Variants in HS6ST2 observed in about 807,000 individuals in gnomAD.
HS6ST2 encodes heparan sulfate 6-O-sulfotransferase 2.
In HS6ST2, 17 loss-of-function variants were observed where a neutral mutation model predicts 33.0. The observed-to-expected ratio is 0.52, with a 90% CI of 0.35 to 0.77. The LOEUF (loss-of-function observed/expected upper bound fraction) is 0.77, where lower values mean the gene tolerates loss of function less well. HS6ST2 is among the 30% of genes least tolerant of loss of function. The probability of loss-of-function intolerance (pLI) is 0.01; values close to 1 mark genes in which losing one functional copy is unlikely to be tolerated. For synonymous variants in HS6ST2, 248 were observed against 237.1 expected, an observed-to-expected ratio of 1.05 and a Z score of -0.42; for missense variants, 519 against 551.7, an observed-to-expected ratio of 0.94 and a Z score of 0.59.
At chrX:132,871,633 C>T (rs1169581194) in intron 2 of HS6ST2, among the ~76,000 whole-genome samples, 5 of 111,172 alleles carry the variant, frequency 4.5e-5, no homozygotes, top group African/African-American at 1.3e-4. Context: ...TTTGCAGGGA[C>T]ATGGATGAAG....
chrX:132,787,513 C>T (rs1395719647), intron 2 of HS6ST2, among the ~76,000 whole-genome samples: 1 of 98,014 alleles, frequency 1.0e-5, no homozygotes, highest in African/African-American at 3.9e-5. Flanking sequence ...AGGCTGGTCT[C>T]GAGCTCCTGA....
intron 2 of HS6ST2, among the ~76,000 whole-genome samples, chrX:132,799,832 T>C (rs1310186937): frequency 8.9e-6 from 1 of 111,878 alleles, no homozygotes; most frequent in Middle Eastern, 4.2e-3. Context: ...ATGGAGGTGA[T>C]TCAATGAAGT....
At chrX:132,915,627 T>C (rs1333981495) in intron 2 of HS6ST2, among the ~76,000 whole-genome samples, 1 of 111,295 alleles carries the variant, frequency 9.0e-6, no homozygotes, top group Non-Finnish European at 1.9e-5. Context: ...TCCTCCTTGC[T>C]CCACCTAACA....
intron 2 of HS6ST2, among the ~76,000 whole-genome samples, chrX:132,841,544 C>T (rs1865511789): frequency 9.0e-6 from 1 of 111,681 alleles, no homozygotes; most frequent in Non-Finnish European, 1.9e-5. Flanking sequence ...TTCTTGCCAG[C>T]AATAGGGCTC....
At chrX:132,885,751 C>T (rs971522147) in intron 2 of HS6ST2, among the ~76,000 whole-genome samples, 1 of 111,523 alleles carries the variant, frequency 9.0e-6, no homozygotes, top group African/African-American at 3.3e-5. Context: ...GTCACAGCCT[C>T]TGTACACTAA....
At chrX:132,758,822 G>T (rs2064780475) in intron 2 of HS6ST2, among the ~76,000 whole-genome samples, 1 of 111,757 alleles carries the variant, frequency 8.9e-6, no homozygotes, top group South Asian at 3.8e-4. Flanking sequence ...TCTCACTTGA[G>T]CATCAAGCCA....
chrX:132,815,479 C>A (rs143798427), intron 2 of HS6ST2, among the ~76,000 whole-genome samples: 1 of 111,777 alleles, frequency 8.9e-6, no homozygotes, highest in South Asian at 3.8e-4. Context: ...ATCAAATCCA[C>A]GCAGTCTGGC....
chrX:132,863,543 C>T (rs1246592516), intron 2 of HS6ST2, among the ~76,000 whole-genome samples: 1 of 105,717 alleles, frequency 9.5e-6, no homozygotes, highest in Non-Finnish European at 1.9e-5. Context: ...AGGCTGGTCT[C>T]AAACTCCTTG....
intron 2 of HS6ST2, among the ~76,000 whole-genome samples, chrX:132,881,185 C>T (rs1038793740): frequency 5.5e-4 from 61 of 110,915 alleles, no homozygotes; most frequent in African/African-American, 2.0e-3. Context: ...AGTTCTAGAT[C>T]CCTGAGGACT....
intron 2 of HS6ST2, among the ~76,000 whole-genome samples, chrX:132,712,459 A>C (rs1017979200): frequency 6.2e-5 from 7 of 112,137 alleles, no homozygotes; most frequent in Non-Finnish European, 1.3e-4. Context: ...CTGTTGCTCA[A>C]ACTGGTGGAG....
intron 2 of HS6ST2, among the ~76,000 whole-genome samples, chrX:132,888,236 T>C (rs749188572): frequency 3.2e-4 from 35 of 111,082 alleles, no homozygotes; most frequent in African/African-American, 1.1e-3. Context: ...AGATTAATAA[T>C]GGACTCTTAG....
intron 4 of HS6ST2, chrX:132,668,452 A>T (rs1046402638): frequency 9.0e-6 from 1 of 110,923 alleles, no homozygotes; most frequent in Non-Finnish European, 1.9e-5. Flanking sequence ...AGTTTGCCAC[A>T]CTTTGCTGAA....
At chrX:132,812,315 G>A (rs1379986521) in intron 2 of HS6ST2, among the ~76,000 whole-genome samples, 2 of 106,881 alleles carry the variant, frequency 1.9e-5, no homozygotes, top group African/African-American at 6.8e-5. Context: ...TGAGGCAGGA[G>A]AATTGCTTGA....
chrX:132,958,578 G>T lies in HS6ST2; in HGVS notation c.25C>A (p.Arg9=). Reference sequence around the variant, plus strand: ...GGTTGCCGCGGCGGCTCGAACTCCCGGACTGCACACGCAGGCAGTGCCATT... The same window carrying T: ...GGTTGCCGCGGCGGCTCGAACTCCCTGACTGCACACGCAGGCAGTGCCATT... MALPACAV[R]EFEPPRQPER... The change falls in exon 1 of 5, where the codon CGG becomes AGG. Residue 9 remains arginine (R), a synonymous_variant. Coordinates refer to ENST00000370833, the MANE Select transcript of HS6ST2 (RefSeq NM_001394073.1). 1 of 1,180,215 alleles carries T rather than the reference G, an allele frequency of 8.5e-7. No individual in the cohort carries two copies. Among genetic ancestry groups the T allele is most frequent in the Non-Finnish European group, 1.1e-6 (1 of 879,660 alleles).
chrX:132,644,976 A>C (rs966342885), intron 4 of HS6ST2, among the ~76,000 whole-genome samples: 5 of 111,168 alleles, frequency 4.5e-5, no homozygotes, highest in African/African-American at 1.6e-4. Flanking sequence ...CTGAGGCCTG[A>C]AATCCCATCC....
intron 2 of HS6ST2, among the ~76,000 whole-genome samples, chrX:132,749,733 G>A (rs1413269060): frequency 9.0e-6 from 1 of 111,545 alleles, no homozygotes; most frequent in Non-Finnish European, 1.9e-5. Flanking sequence ...AAGCAAATTG[G>A]AACCCTTGAC....
chrX:132,921,620 GGTAA>G (rs1176554587), intron 2 of HS6ST2, among the ~76,000 whole-genome samples: 1 of 112,023 alleles, frequency 8.9e-6, no homozygotes, highest in Non-Finnish European at 1.9e-5. Context: ...ACTACAGCAT[GGTAA>G]GTGCCATGTT....
chrX:132,862,309 A>C (rs2065920489), intron 2 of HS6ST2, among the ~76,000 whole-genome samples: 1 of 111,504 alleles, frequency 9.0e-6, no homozygotes, highest in Non-Finnish European at 1.9e-5. Flanking sequence ...TATCAGTTTT[A>C]TTTCTTTCAA....
chrX:132,803,268 A>G (rs759695359), intron 2 of HS6ST2, among the ~76,000 whole-genome samples: 2 of 111,378 alleles, frequency 1.8e-5, no homozygotes, highest in Non-Finnish European at 3.8e-5. Flanking sequence ...TTGTTTTCCT[A>G]GTATCTTGCT....
Sources: gnomAD v4.1 joint callset for allele counts (sites outside exome capture counted in the v4.1 genomes callset) on GRCh38, gnomAD v4.1.1 for gene constraint, MANE v1.5 for transcripts, NCBI Gene and HGNC (gene_info 2026-07-23, HGNC 2026-07-21) for gene names.